The following HECW1 variants were observed in gnomAD, a reference collection of about 807,000 sequenced individuals.
The protein encoded by HECW1 is HECT, C2 and WW domain containing E3 ubiquitin protein ligase 1, also known as E3 ubiquitin-protein ligase HECW1.
In HECW1, 61 loss-of-function variants were observed where a neutral mutation model predicts 182.3. That is an observed-to-expected ratio of 0.33 (90% CI 0.27 to 0.41). The LOEUF is 0.41. Ranked by LOEUF, HECW1 falls within the 10% of genes least tolerant of loss-of-function variation. The pLI is 1.00. For synonymous variants in HECW1, 859 were observed against 832.6 expected (o/e 1.03, Z -0.55); for missense variants, 1,739 against 2,108.9 (o/e 0.82, Z 3.44).
chr7:43,361,860 G>T (rs147556874), intron 6 of HECW1, among the ~76,000 whole-genome samples: 23,287 of 125,980 alleles, frequency 0.18, 2,540 homozygotes, highest in Middle Eastern at 0.35. Context: ...AAAAAAACAG[G>T]CCAGGCGCAG....
chr7:43,402,132 T>C (rs2075439647), intron 7 of HECW1, among the ~76,000 whole-genome samples: 1 of 152,134 alleles, frequency 6.6e-6, no homozygotes, highest in Non-Finnish European at 1.5e-5. Flanking sequence ...AACCCCTGCA[T>C]TCACCATCCT....
intron 3 of HECW1, among the ~76,000 whole-genome samples, chr7:43,295,682 A>G (rs538700341): frequency 2.6e-5 from 4 of 152,280 alleles, no homozygotes; most frequent in African/African-American, 9.6e-5. Flanking sequence ...TGCATGACCT[A>G]CGTATTTTCC....
intron 2 of HECW1, among the ~76,000 whole-genome samples, chr7:43,155,642 G>T (rs1216818966): frequency 6.6e-6 from 1 of 152,210 alleles, no homozygotes; most frequent in Non-Finnish European, 1.5e-5. Context: ...TAAATTTGCT[G>T]AGTGTGTACC....
chr7:43,139,330 GT>G (rs2152630593), intron 2 of HECW1, among the ~76,000 whole-genome samples: 1 of 152,300 alleles, frequency 6.6e-6, no homozygotes, highest in South Asian at 2.1e-4. Context: ...TAAAATGGAA[GT>G]TTTGCCATAC....
At chr7:43,330,238 C>A (rs2152789833) in intron 5 of HECW1, among the ~76,000 whole-genome samples, 1 of 152,332 alleles carries the variant, frequency 6.6e-6, no homozygotes, top group South Asian at 2.1e-4. Context: ...CCTCCTGGGA[C>A]ACTCACTCTT....
chr7:43,237,620 T>C (rs1798496642), intron 2 of HECW1, among the ~76,000 whole-genome samples: 1 of 152,200 alleles, frequency 6.6e-6, no homozygotes, highest in African/African-American at 2.4e-5. Flanking sequence ...TGGGTTAATA[T>C]GTGTAAAGCA....
intron 8 of HECW1, among the ~76,000 whole-genome samples, chr7:43,424,437 T>C (rs769325555): frequency 6.6e-6 from 1 of 152,026 alleles, no homozygotes; most frequent in Non-Finnish European, 1.5e-5. Flanking sequence ...CTAGGCAACA[T>C]AGCAGAACCC....
chr7:43,554,910 T>C, intron 29 of HECW1, 120 bp downstream of exon 29: 1 of 879,808 alleles, frequency 1.1e-6, no homozygotes, highest in South Asian at 1.7e-5. Flanking sequence ...CAAAGTATTG[T>C]CATTGGAGTT....
chr7:43,156,638 T>G (rs1406569148), intron 2 of HECW1, among the ~76,000 whole-genome samples: 1 of 150,466 alleles, frequency 6.6e-6, no homozygotes. Flanking sequence ...AATAATTTCA[T>G]GATTCATTCC....
Position 43,562,000 on chromosome 7 carries a change from C to T in HECW1, c.*74C>T, listed in dbSNP as rs1379381105. The T allele has an allele frequency of 1.3e-5, 11 of 842,344 alleles. No individual in the cohort carries two copies. In the Admixed American group the frequency reaches 2.1e-4, roughly 16 times the overall value. The allele number at this position is 842,344 out of a possible 1,614,324, so 52.2% of individuals were successfully genotyped here. A position where few individuals can be genotyped will look rare whatever the true frequency, so the allele number is the denominator to read the frequency against. ...CCTGGGATGATCCCCTTTTCCCTTT[C>T]CCTTAATCAACTCTCCTTTGATTTT... is the stretch of plus-strand genomic sequence containing the variant. On this transcript the variant is annotated 3_prime_UTR_variant, in exon 30 of 30. Coordinates refer to ENST00000395891, the MANE Select transcript of HECW1 (RefSeq NM_015052.5).
chr7:43,386,558 C>G (rs985231738), intron 6 of HECW1, among the ~76,000 whole-genome samples: 1 of 152,192 alleles, frequency 6.6e-6, no homozygotes, highest in Non-Finnish European at 1.5e-5. Context: ...AACACTTGCC[C>G]CTAGATCCAG....
At chr7:43,411,758 T>A (rs2075811484) in intron 8 of HECW1, among the ~76,000 whole-genome samples, 1 of 152,178 alleles carries the variant, frequency 6.6e-6, no homozygotes, top group African/African-American at 2.4e-5. Flanking sequence ...GAAGGCTGTT[T>A]TATCACACTA....
intron 8 of HECW1, among the ~76,000 whole-genome samples, chr7:43,412,853 T>C (rs1419289180): frequency 1.3e-5 from 2 of 150,086 alleles, no homozygotes; most frequent in Admixed American, 6.6e-5. Context: ...CAGTCTATCA[T>C]TGTTGGACAT....
At chr7:43,380,360 A>G (rs944905995) in intron 6 of HECW1, among the ~76,000 whole-genome samples, 1 of 151,710 alleles carries the variant, frequency 6.6e-6, no homozygotes, top group Admixed American at 6.6e-5. Flanking sequence ...CACTGTGCCC[A>G]GCCTCTTTGA....
chr7:43,209,947 G>A (rs937444946), intron 2 of HECW1, among the ~76,000 whole-genome samples: 9 of 152,194 alleles, frequency 5.9e-5, no homozygotes, highest in African/African-American at 2.2e-4. Context: ...ATATGTCAGA[G>A]TGGAACTTTA....
chr7:43,211,707 C>G (rs1796025809), intron 2 of HECW1, among the ~76,000 whole-genome samples: 1 of 152,218 alleles, frequency 6.6e-6, no homozygotes, highest in Admixed American at 6.5e-5. Context: ...CAAATTTTGC[C>G]TGTGCATTAC....
chr7:43,418,970 A>T (rs1220157422), intron 8 of HECW1, among the ~76,000 whole-genome samples: 1 of 152,218 alleles, frequency 6.6e-6, no homozygotes, highest in African/African-American at 2.4e-5. Flanking sequence ...ACTGTCATCC[A>T]TATGGTGGGA....
chr7:43,409,199 G>A (rs2075715417), intron 8 of HECW1, among the ~76,000 whole-genome samples: 1 of 152,144 alleles, frequency 6.6e-6, no homozygotes, highest in Admixed American at 6.5e-5. Flanking sequence ...GGACGTGAGG[G>A]AAATAGACTT....
At chr7:43,131,865 C>T (rs981741753) in intron 2 of HECW1, among the ~76,000 whole-genome samples, 3 of 152,178 alleles carry the variant, frequency 2.0e-5, no homozygotes, top group African/African-American at 7.2e-5. Context: ...TTTCAGTTGG[C>T]ACAAGTGTTC....
Sources: gnomAD v4.1 joint callset for allele counts (sites outside exome capture counted in the v4.1 genomes callset) on GRCh38, gnomAD v4.1.1 for gene constraint, MANE v1.5 for transcripts, NCBI Gene and HGNC (gene_info 2026-07-23, HGNC 2026-07-21) for gene names.